Variants in CADPS2 observed in about 807,000 individuals in gnomAD.
CADPS2 encodes the protein calcium dependent secretion activator 2, also known as calcium-dependent secretion activator 2.
A neutral mutation model predicts 172.5 loss-of-function variants in CADPS2; 93 were observed. That is an observed-to-expected ratio of 0.54 (90% confidence interval 0.46 to 0.64). The LOEUF is 0.64. CADPS2 is among the 30% of genes least tolerant of loss of function. The pLI is 0.00. For missense variants in CADPS2, 1,420 were observed against 1,565.9 expected (o/e 0.91, Z 1.57); for synonymous variants, 546 against 555.2 (o/e 0.98, Z 0.23).
chr7:122,722,279 A>T (rs2090512398), intron 2 of CADPS2, among the ~76,000 whole-genome samples: 1 of 152,092 alleles, frequency 6.6e-6, no homozygotes, highest in South Asian at 2.1e-4. Flanking sequence ...ACATGATTGT[A>T]TATCTAGAAA....
At chr7:122,748,322 G>C (rs1024124711) in intron 1 of CADPS2, among the ~76,000 whole-genome samples, 1 of 152,144 alleles carries the variant, frequency 6.6e-6, no homozygotes, top group African/African-American at 2.4e-5. Context: ...AGCATGGGTA[G>C]CTCTGTTTTG....
intron 9 of CADPS2, among the ~76,000 whole-genome samples, chr7:122,510,006 T>G (rs2059902246): frequency 6.6e-6 from 1 of 152,104 alleles, no homozygotes; most frequent in South Asian, 2.1e-4. Context: ...AAATATAGAA[T>G]GAAGTAATAA....
intron 16 of CADPS2, among the ~76,000 whole-genome samples, 173 bp from the exon 17 acceptor site, chr7:122,438,637 T>C (rs1297809369): frequency 1.3e-5 from 2 of 152,100 alleles, no homozygotes; most frequent in Admixed American, 6.6e-5. Context: ...GTAATGGGTC[T>C]GCAATGCACT....
chr7:122,630,146 A>G (rs1426524186), intron 3 of CADPS2, among the ~76,000 whole-genome samples: 1 of 152,132 alleles, frequency 6.6e-6, no homozygotes, highest in Non-Finnish European at 1.5e-5. Context: ...CACTCTCATC[A>G]CGAAGAAGCC....
chr7:122,615,816 G>A (rs2074844193), intron 5 of CADPS2, among the ~76,000 whole-genome samples: 1 of 151,956 alleles, frequency 6.6e-6, no homozygotes, highest in Non-Finnish European at 1.5e-5. Flanking sequence ...GTCTGTAAAA[G>A]AGTTTAATTT....
chr7:122,575,337 T>G (rs550285496), intron 7 of CADPS2, among the ~76,000 whole-genome samples: 9 of 152,052 alleles, frequency 5.9e-5, no homozygotes, highest in Non-Finnish European at 1.3e-4. Context: ...ATTGACTGCA[T>G]AGCACATATT....
intron 11 of CADPS2, among the ~76,000 whole-genome samples, chr7:122,485,128 C>T (rs1380819217): frequency 6.6e-5 from 10 of 152,124 alleles, no homozygotes; most frequent in African/African-American, 2.4e-4. Flanking sequence ...CTCCCTATTT[C>T]CTGACACACA....
intron 2 of CADPS2, among the ~76,000 whole-genome samples, chr7:122,669,671 T>C (rs535009265): frequency 1.3e-5 from 2 of 151,984 alleles, no homozygotes; most frequent in East Asian, 2.0e-4. Flanking sequence ...GGCGGCTACA[T>C]TTCCCCTGTC....
At chr7:122,695,802 T>A (rs560395733) in intron 2 of CADPS2, among the ~76,000 whole-genome samples, 59 of 152,108 alleles carry the variant, frequency 3.9e-4, no homozygotes, top group Non-Finnish European at 6.8e-4. Context: ...TGGGAGTAAC[T>A]CAGGTCTTAG....
At chr7:122,714,088 A>T (rs1023052593) in intron 2 of CADPS2, among the ~76,000 whole-genome samples, 23 of 152,112 alleles carry the variant, frequency 1.5e-4, no homozygotes, top group Non-Finnish European at 4.4e-5. Flanking sequence ...GGAAAAGAGG[A>T]GGTTACCATG....
intron 25 of CADPS2, among the ~76,000 whole-genome samples, chr7:122,362,960 C>CTT (rs1392999555): frequency 1.3e-5 from 2 of 152,142 alleles, no homozygotes; most frequent in African/African-American, 4.8e-5. Context: ...TGACTGTGAA[C>CTT]TATAAGTGCA....
chr7:122,476,873 C>G (rs141079578), intron 12 of CADPS2, among the ~76,000 whole-genome samples: 117 of 151,720 alleles, frequency 7.7e-4, no homozygotes, highest in African/African-American at 2.2e-3. Context: ...TCATGCAAAA[C>G]TACATTACCA....
chr7:122,720,719 A>G (rs2090292935), intron 2 of CADPS2, among the ~76,000 whole-genome samples: 1 of 151,924 alleles, frequency 6.6e-6, no homozygotes, highest in Non-Finnish European at 1.5e-5. Flanking sequence ...CTCCTGTAAT[A>G]TTCCTAAAAG....
intron 6 of CADPS2, 64 bp downstream of exon 6, chr7:122,615,117 T>G: frequency 1.0e-5 from 10 of 975,578 alleles, no homozygotes; most frequent in Non-Finnish European, 1.5e-5. Context: ...AAACAGAGCA[T>G]GTTTCTTTGG....
intron 2 of CADPS2, among the ~76,000 whole-genome samples, chr7:122,705,817 AATAATAT>A (rs1490651029): frequency 5.3e-5 from 1 of 18,892 alleles, no homozygotes; most frequent in African/African-American, 1.4e-4. Flanking sequence ...TATGATATAT[AATAATAT>A]ATATTTATAT....
chr7:122,879,860 G>A (rs980844712), intron 1 of CADPS2, among the ~76,000 whole-genome samples: 2 of 152,076 alleles, frequency 1.3e-5, no homozygotes, highest in Non-Finnish European at 1.5e-5. Context: ...AACCAACAAC[G>A]TACCTTTTTA....
At chr7:122,560,271 G>A (rs1408535454) in intron 7 of CADPS2, among the ~76,000 whole-genome samples, 1 of 152,154 alleles carries the variant, frequency 6.6e-6, no homozygotes, top group African/African-American at 2.4e-5. Flanking sequence ...TAGGTTGAAG[G>A]AGATACCAGA....
chr7:122,541,384 T>G (rs2062923309), intron 8 of CADPS2, among the ~76,000 whole-genome samples: 1 of 149,380 alleles, frequency 6.7e-6, no homozygotes, highest in African/African-American at 2.4e-5. Flanking sequence ...TTTTGTATTT[T>G]TAGCAGAGAT....
At chr7:122,730,656 T>C (rs2091550617) in intron 2 of CADPS2, among the ~76,000 whole-genome samples, 1 of 151,736 alleles carries the variant, frequency 6.6e-6, no homozygotes, top group South Asian at 2.1e-4. Context: ...TCCAGTTTTA[T>C]ACATACAAAA....
Sources: gnomAD v4.1 joint callset for allele counts (sites outside exome capture counted in the v4.1 genomes callset) on GRCh38, gnomAD v4.1.1 for gene constraint, MANE v1.5 for transcripts, NCBI Gene and HGNC (gene_info 2026-07-23, HGNC 2026-07-21) for gene names.